The following RNGTT variants were observed in gnomAD, a reference collection of about 807,000 sequenced individuals.
The protein encoded by RNGTT is RNA guanylyltransferase and 5'-phosphatase.
Under a neutral mutation model 79.3 loss-of-function variants are expected in RNGTT, and 33 were observed. The ratio of observed to expected loss-of-function variants is 0.42; its 90% CI spans 0.32 to 0.56. The LOEUF (loss-of-function observed/expected upper bound fraction) is 0.56. Among genes scored for constraint, RNGTT ranks in the 20% least tolerant of loss-of-function variants. The pLI is 0.17. For synonymous variants in RNGTT, 222 were observed against 235.9 expected, an observed-to-expected ratio of 0.94 and a Z score of 0.54; for missense variants, 497 against 739.1, an observed-to-expected ratio of 0.67 and a Z score of 3.80.
At chr6:88,889,951 C>A (rs1782988000) in intron 8 of RNGTT, among the ~76,000 whole-genome samples, 1 of 152,080 alleles carries the variant, frequency 6.6e-6, no homozygotes, top group South Asian at 2.1e-4. Flanking sequence ...GGCACTGCCG[C>A]CTGGGTGACA....
intron 13 of RNGTT, among the ~76,000 whole-genome samples, chr6:88,681,456 T>C (rs552795983): frequency 1.3e-5 from 2 of 152,288 alleles, no homozygotes; most frequent in Admixed American, 1.3e-4. Context: ...TATTACCACC[T>C]TTGTTTGAGT....
At chr6:88,658,225 C>A (rs970333161) in intron 14 of RNGTT, among the ~76,000 whole-genome samples, 1 of 152,184 alleles carries the variant, frequency 6.6e-6, no homozygotes, top group Non-Finnish European at 1.5e-5. Context: ...ACCTGCAACA[C>A]CTTGGCCAAC....
intron 8 of RNGTT, among the ~76,000 whole-genome samples, chr6:88,887,599 T>A (rs1240340878): frequency 6.6e-6 from 1 of 152,204 alleles, no homozygotes; most frequent in Non-Finnish European, 1.5e-5. Context: ...GATATTTCCA[T>A]TAGCAATCAA....
chr6:88,725,187 G>A (rs1321646727), intron 13 of RNGTT, among the ~76,000 whole-genome samples: 2 of 152,218 alleles, frequency 1.3e-5, no homozygotes, highest in African/African-American at 4.8e-5. Context: ...CTCGTGAGGA[G>A]GCGTGGCCCG....
intron 13 of RNGTT, among the ~76,000 whole-genome samples, chr6:88,681,392 GTTCT>G: frequency 6.6e-6 from 1 of 152,012 alleles, no homozygotes; most frequent in African/African-American, 2.4e-5. Flanking sequence ...AAAAAACACT[GTTCT>G]TTCTTATTCA....
intron 1 of RNGTT, among the ~76,000 whole-genome samples, chr6:88,954,058 C>T (rs1029222578): frequency 6.6e-5 from 10 of 152,114 alleles, no homozygotes; most frequent in Middle Eastern, 3.4e-3. Flanking sequence ...GCCTATAAAA[C>T]GATAACAGAA....
At chr6:88,844,252 T>C (rs1781412691) in intron 11 of RNGTT, 105 bp downstream of exon 11, 2 of 1,095,152 alleles carry the variant, frequency 1.8e-6, no homozygotes, top group South Asian at 1.6e-5. Flanking sequence ...GAGTATTTTC[T>C]GACAAAGTCA....
At chr6:88,620,183 T>C (rs980524251) in intron 14 of RNGTT, among the ~76,000 whole-genome samples, 1 of 152,178 alleles carries the variant, frequency 6.6e-6, no homozygotes, top group African/African-American at 2.4e-5. Flanking sequence ...CAACAGGAAG[T>C]TTCTCCTTCA....
At chr6:88,952,251 A>C (rs2127964406) in intron 1 of RNGTT, among the ~76,000 whole-genome samples, 1 of 152,224 alleles carries the variant, frequency 6.6e-6, no homozygotes, top group East Asian at 1.9e-4. Context: ...CATCCCCTAC[A>C]GTGGCTACAG....
At chr6:88,687,189 T>C (rs1300781024) in intron 13 of RNGTT, among the ~76,000 whole-genome samples, 2 of 152,144 alleles carry the variant, frequency 1.3e-5, no homozygotes, top group Non-Finnish European at 2.9e-5. Context: ...GTAAAAATAT[T>C]CAAACTCACT....
intron 4 of RNGTT, among the ~76,000 whole-genome samples, chr6:88,922,376 T>C (rs753705760): frequency 6.6e-6 from 1 of 152,138 alleles, no homozygotes. Context: ...CACAGACATG[T>C]CATGTCACTA....
At chr6:88,717,858 C>T (rs1776573946) in intron 13 of RNGTT, among the ~76,000 whole-genome samples, 1 of 152,124 alleles carries the variant, frequency 6.6e-6, no homozygotes, top group Admixed American at 6.5e-5. Flanking sequence ...GCTAGATGTC[C>T]ATCCTCTGTA....
chr6:88,664,246 C>A (rs1478210755), intron 14 of RNGTT, among the ~76,000 whole-genome samples: 1 of 152,106 alleles, frequency 6.6e-6, no homozygotes, highest in Non-Finnish European at 1.5e-5. Flanking sequence ...CCGAGGTTAT[C>A]CAAGGAAAGC....
chr6:88,844,013 C>T (rs1184705771), intron 11 of RNGTT, among the ~76,000 whole-genome samples: 1 of 151,462 alleles, frequency 6.6e-6, no homozygotes, highest in Non-Finnish European at 1.5e-5. Flanking sequence ...GTACCAAACA[C>T]TTTACCTTCA....
intron 8 of RNGTT, among the ~76,000 whole-genome samples, chr6:88,856,741 T>A (rs139212491): frequency 1.5e-3 from 223 of 152,216 alleles, no homozygotes; most frequent in African/African-American, 5.1e-3. Context: ...TATGCGATAC[T>A]AACAAAAAGT....
chr6:88,769,944 T>A, intron 12 of RNGTT, 70 bp from the exon 13 acceptor site: 1 of 1,017,014 alleles, frequency 9.8e-7, no homozygotes, highest in Non-Finnish European at 1.4e-6. Context: ...GTATTAAACC[T>A]AATGTAACTT....
chr6:88,921,371 A>G lies in RNGTT; in HGVS notation c.367+7614T>C, dbSNP rs568933415. Among the ~76,000 whole-genome samples the G allele has an allele frequency of 8.5e-5, 13 of 152,282 alleles. No homozygotes were observed. The East Asian group carries it at 1.7e-3, about 20-fold the overall frequency. ...TAGCTGATATAATTGTTAATTTATC[A>G]ATTACAGTTGACAACTGATTCAGTT... On this transcript the variant is annotated intron_variant, in intron 4 of 15. Transcript: ENST00000369485.
At chr6:88,710,412 T>C (rs955093710) in intron 13 of RNGTT, among the ~76,000 whole-genome samples, 15 of 152,212 alleles carry the variant, frequency 9.9e-5, no homozygotes, top group African/African-American at 3.6e-4. Flanking sequence ...AATGGACTTA[T>C]TATACTAAAG....
intron 13 of RNGTT, among the ~76,000 whole-genome samples, chr6:88,685,761 T>C (rs1775254730): frequency 6.6e-6 from 1 of 152,052 alleles, no homozygotes; most frequent in Admixed American, 6.6e-5. Flanking sequence ...ATAAGTACTC[T>C]CAGCAAATAA....
Sources: allele counts gnomAD v4.1 joint callset (sites outside exome capture counted in the v4.1 genomes callset), GRCh38; gene constraint gnomAD v4.1.1; transcripts MANE v1.5; gene names NCBI Gene and HGNC (gene_info 2026-07-23, HGNC 2026-07-21).